Variants in MYH1 observed in about 807,000 individuals in gnomAD.
MYH1 encodes myosin-1.
Under a neutral mutation model 225.6 loss-of-function variants are expected in MYH1, and 214 were observed. The ratio of observed to expected loss-of-function variants is 0.95; its 90% confidence interval spans 0.85 to 1.06. The LOEUF (loss-of-function observed/expected upper bound fraction) is 1.06. Ranked by LOEUF, MYH1 falls within the 50% of genes least tolerant of loss-of-function variation. The pLI is 0.00. For synonymous variants in MYH1, 774 were observed against 842.3 expected, an observed-to-expected ratio of 0.92 and a Z score of 1.40; for missense variants, 2,098 against 2,344.2, an observed-to-expected ratio of 0.89 and a Z score of 2.17.
intron 14 of MYH1, among the ~76,000 whole-genome samples, chr17:10,509,920 C>T (rs2073155168): frequency 6.6e-6 from 1 of 152,020 alleles, no homozygotes; most frequent in African/African-American, 2.4e-5. Context: ...AGCAAACTAA[C>T]GCAGGAACAG....
chr17:10,505,650 T>A, intron 19 of MYH1, 139 bp from the exon 20 acceptor site: 1 of 1,359,130 alleles, frequency 7.4e-7, no homozygotes, highest in Non-Finnish European at 1.0e-6. Flanking sequence ...TATCCTCTGT[T>A]TATTCAAAGG....
At position 10,492,508 on chromosome 17, in the gene MYH1, C is replaced by G. The variant is rs199500054; in HGVS notation, c.5728G>C (p.Ala1910Pro). 6.2e-7 allele frequency: 1 copy of G among 1,614,160 alleles called. No homozygotes were observed. The highest frequency in any genetic ancestry group is 1.1e-5 in the South Asian group (1 of 91,080). Residue 1910 changes from alanine to proline, a missense_variant, in exon 40 of 40, where the codon GCC becomes CCC. Ala to Pro is a conservative substitution (Grantham distance 27). Transcript: ENST00000226207. ...FRRIQHELEE[A>P]EERADIAESQ... is the part of the protein sequence containing the mutation. ...TCAGCAATGTCAGCCCGTTCCTCGG[C>G]CTCCTCCAGCTCGTGCTGGATCCTG... is the stretch of plus-strand genomic sequence containing the variant.
In MYH1 at chr17:10,516,355, A is replaced by G. The variant is rs1160477224; in HGVS notation, c.205-13T>C. On this transcript the variant is annotated splice_polypyrimidine_tract_variant and intron_variant, in intron 3 of 39. Transcript: ENST00000226207. ...TCACTGTTACAGTCTGTCCAGTCAA[A>G]CAAGAGAGGCCAGATCAAAAAGTAA... 1 of 1,614,186 alleles carries G rather than the reference A, an allele frequency of 6.2e-7. No individual in the cohort carries two copies. Among genetic ancestry groups the G allele is most frequent in the South Asian group, 1.1e-5 (1 of 91,070 alleles).
Position 10,511,850 on chromosome 17 carries a change from C to G in MYH1, c.1405G>C (p.Glu469Gln), listed in dbSNP as rs2073172597. The stretch of plus-strand genomic sequence containing the variant: ...TTCTGCTAACTCACATCAAAGATCT[C>G]AAAGCCAGCAATGTCCAAGACCCCA... Reference protein sequence around the residue: ...FIGVLDIAGFEIFDFNSLEQL... With the variant: ...FIGVLDIAGFQIFDFNSLEQL... Residue 469 changes from glutamate to glutamine, a missense_variant, in exon 14 of 40, where the codon GAG (glutamate) becomes CAG (glutamine). By Grantham distance (29) the Glu-to-Gln change is conservative. Coordinates refer to ENST00000226207, the MANE Select transcript of MYH1 (RefSeq NM_005963.4). 1 of 1,614,172 alleles carries G rather than the reference C, an allele frequency of 6.2e-7. No homozygotes were observed. Among genetic ancestry groups the G allele is most frequent in the Non-Finnish European group, 8.5e-7 (1 of 1,180,012 alleles).
Position 10,497,929 on chromosome 17 carries a change from G to A in MYH1, c.4182-12C>T. On this transcript the variant is annotated splice_polypyrimidine_tract_variant and intron_variant, in intron 30 of 39. Coordinates refer to ENST00000226207, the MANE Select transcript of MYH1 (RefSeq NM_005963.4). Reference sequence around the variant, plus strand: ...GAGCCAGCTTCTTCCTATGAAATATGGGCAATAAAAGTGAATGGCTGTCAA... The same window carrying A: ...GAGCCAGCTTCTTCCTATGAAATATAGGCAATAAAAGTGAATGGCTGTCAA... 6.3e-7 allele frequency: 1 copy of A among 1,589,200 alleles called. No homozygotes were observed. The highest frequency in any genetic ancestry group is 1.9e-5 in the Admixed American group (1 of 52,222).
Position 10,516,181 on chromosome 17 carries a change from C to T in MYH1, c.348+18G>A. 2.5e-6 allele frequency: 4 copies of T among 1,614,014 alleles called. No individual in the cohort carries two copies. The highest frequency in any genetic ancestry group is 3.4e-6 in the Non-Finnish European group (4 of 1,179,906). ...ATTAACTACTCTCATGAGTAGAAGACCGTGAGAAAGAACTCACGTAGATCA... is the reference window on the plus strand; with the variant it reads ...ATTAACTACTCTCATGAGTAGAAGATCGTGAGAAAGAACTCACGTAGATCA... On this transcript the variant is annotated intron_variant, in intron 4 of 39. Transcript: ENST00000226207.
Position 10,513,701 on chromosome 17 carries a change from A to C in MYH1, c.742-12T>G. The C allele has an allele frequency of 3.1e-6, 5 of 1,614,040 alleles. No individual in the cohort carries two copies. The highest frequency in any genetic ancestry group is 4.2e-6 in the Non-Finnish European group (5 of 1,179,888). ...CTGATGAATTTACCCTTGTAAGTAAAAAAAATGATGTTATACCCAAAGCTT... is the reference window on the plus strand; with the variant it reads ...CTGATGAATTTACCCTTGTAAGTAACAAAAATGATGTTATACCCAAAGCTT... On this transcript the variant is annotated splice_polypyrimidine_tract_variant and intron_variant, in intron 8 of 39. Transcript: ENST00000226207.
At position 10,509,667 on chromosome 17, in the gene MYH1, GA is replaced by G; in HGVS notation, c.1417-13del. ...TCCAGGCTGTTGAACTAAATGAGTT[GA>G]AAATACAAATTAGCATTCAATTTAT... is the stretch of plus-strand genomic sequence containing the variant. On this transcript the variant is annotated splice_polypyrimidine_tract_variant and intron_variant, in intron 14 of 39. Coordinates refer to ENST00000226207, the MANE Select transcript of MYH1 (RefSeq NM_005963.4). 2 of 1,614,182 alleles carry G rather than the reference GA, an allele frequency of 1.2e-6. No individual in the cohort carries two copies. Among genetic ancestry groups the G allele is most frequent in the South Asian group, 2.2e-5 (2 of 91,080 alleles).
rs78287740 is a variant in MYH1, at chr17:10,497,021, C to T, written c.4656+48G>A. The stretch of plus-strand genomic sequence containing the variant: ...TTCACCATTCCTTACATTTAATAGA[C>T]CCCAATTCCTCTTCTAATTGTTTTA... On this transcript the variant is annotated intron_variant, in intron 33 of 39. Transcript: ENST00000226207. 2.5e-3 allele frequency: 3,915 copies of T among 1,586,942 alleles called. 17 individuals are homozygous for T. Among genetic ancestry groups the T allele is most frequent in the Middle Eastern group, 0.019 (91 of 4,902 alleles).
chr17:10,496,982 T>C (rs1188860687), intron 33 of MYH1, 87 bp downstream of exon 33: 3 of 1,526,574 alleles, frequency 2.0e-6, no homozygotes, highest in Non-Finnish European at 2.6e-6. Context: ...AAAATTATTT[T>C]TCGTTTCTCT....
intron 2 of MYH1, among the ~76,000 whole-genome samples, chr17:10,517,943 A>C (rs2073245920): frequency 6.6e-6 from 1 of 152,218 alleles, no homozygotes; most frequent in African/African-American, 2.4e-5. Flanking sequence ...TGCATATTGT[A>C]ATGCAGTCAT....
intron 17 of MYH1, among the ~76,000 whole-genome samples, chr17:10,506,713 G>A (rs1353498315): frequency 1.3e-5 from 2 of 151,972 alleles, no homozygotes; most frequent in African/African-American, 2.4e-5. Flanking sequence ...GGCTGGTCTC[G>A]AACTCCTGAC....
At chr17:10,494,099 G>A (rs369673775) in intron 39 of MYH1, among the ~76,000 whole-genome samples, 8 of 152,252 alleles carry the variant, frequency 5.3e-5, no homozygotes, top group African/African-American at 1.7e-4. Flanking sequence ...CAGTTGTGGT[G>A]CTTTCCTCCT....
chr17:10,506,709 T>A (rs548995506), intron 17 of MYH1, among the ~76,000 whole-genome samples: 70 of 152,238 alleles, frequency 4.6e-4, no homozygotes, highest in African/African-American at 1.6e-3. Context: ...GCCAGGCTGG[T>A]CTCGAACTCC....
rs1271881179 is a variant in MYH1 at position 10,505,387 on chromosome 17, C to A, written c.2298+1G>T. On this transcript the variant is annotated splice_donor_variant, in intron 20 of 39. Transcript: ENST00000226207. LOFTEE classifies it high-confidence loss of function. The stretch of plus-strand genomic sequence containing the variant: ...ATCAGGTAGGATTTACAGAATATTA[C>A]CTTGGTGTGACCAAATTTATACTGG... The A allele has an allele frequency of 6.2e-7, 1 of 1,614,226 alleles. No individual in the cohort carries two copies. Among genetic ancestry groups the A allele is most frequent in the South Asian group, 1.1e-5 (1 of 91,078 alleles).
intron 16 of MYH1, 54 bp from the exon 17 acceptor site, chr17:10,508,010 TTTTTTTTG>T: frequency 1.5e-6 from 2 of 1,302,802 alleles, no homozygotes; most frequent in Non-Finnish European, 2.1e-6. Context: ...TTATGGTTTT[TTTTTTTTG>T]TTTTTTTTTG....
In MYH1 at chr17:10,494,960, T is replaced by G; in HGVS notation, c.5437A>C (p.Lys1813Gln). ...GCCTCCAGTTTCTGGATCTGCTTCT[T>G]CCCACCCTTCAGGGCCAGCTGCTCA... ...EAEQLALKGG[K>Q]KQIQKLEARV... Residue 1813 changes from lysine to glutamine, a missense_variant, in exon 37 of 40, where the codon AAG (lysine) becomes CAG (glutamine). Physicochemically the swap from Lys to Gln is moderately conservative, Grantham distance 53. Coordinates refer to ENST00000226207, the MANE Select transcript of MYH1 (RefSeq NM_005963.4). 6.2e-7 allele frequency: 1 copy of G among 1,614,180 alleles called. No homozygotes were observed. Among genetic ancestry groups the G allele is most frequent in the Non-Finnish European group, 8.5e-7 (1 of 1,180,016 alleles).
intron 9 of MYH1, 85 bp downstream of exon 9, chr17:10,513,541 T>C: frequency 1.5e-6 from 2 of 1,299,854 alleles, no homozygotes; most frequent in South Asian, 2.4e-5. Context: ...CTTTACAAGC[T>C]CCATGTTCAG....
rs1476420359 is a variant in MYH1, at chr17:10,498,692, AC to A, written c.4114del (p.Val1372LeufsTer37). 6.2e-7 allele frequency: 1 copy of A among 1,613,808 alleles called. No individual in the cohort carries two copies. The highest frequency in any genetic ancestry group is 1.3e-5 in the African/African-American group (1 of 74,904). ...QRAMSKANSE[V>X]AQWRTKYETD... is the part of the protein sequence containing the mutation. ...CTCATATTTGGTCCTCCACTGGGCA[AC>A]CTCACTGTTGGCCTTGGACATTGCT... On this transcript the variant is annotated frameshift_variant, in exon 30 of 40. Transcript: ENST00000226207. LOFTEE classifies it high-confidence loss of function.
Sources: allele counts gnomAD v4.1 joint callset (sites outside exome capture counted in the v4.1 genomes callset), GRCh38; gene constraint gnomAD v4.1.1; transcripts MANE v1.5; gene names NCBI Gene and HGNC (gene_info 2026-07-23, HGNC 2026-07-21).